The following TMEM135 variants were observed in gnomAD, a reference collection of about 807,000 sequenced individuals.
TMEM135 encodes transmembrane protein 135.
In TMEM135, 30 loss-of-function variants were observed where a neutral mutation model predicts 60.3. The observed-to-expected ratio is 0.50, with a 90% CI of 0.37 to 0.68. The LOEUF (loss-of-function observed/expected upper bound fraction) is 0.68. TMEM135 is among the 30% of genes least tolerant of loss of function. The pLI is 0.00. For missense variants in TMEM135, 468 were observed against 548.8 expected, an observed-to-expected ratio of 0.85 and a Z score of 1.47; for synonymous variants, 190 against 186.7, an observed-to-expected ratio of 1.02 and a Z score of -0.14.
chr11:87,128,459 T>C (rs1937801972), intron 4 of TMEM135, among the ~76,000 whole-genome samples: 1 of 152,172 alleles, frequency 6.6e-6, no homozygotes, highest in African/African-American at 2.4e-5. Flanking sequence ...CTCTTCCTAC[T>C]AAGAGAAGTT....
At chr11:87,227,789 A>G (rs1010736419) in intron 5 of TMEM135, among the ~76,000 whole-genome samples, 1 of 152,194 alleles carries the variant, frequency 6.6e-6, no homozygotes, top group African/African-American at 2.4e-5. Flanking sequence ...CAAAGAGACC[A>G]TGCAATAGTC....
chr11:87,129,910 C>G (rs1937868807), intron 4 of TMEM135, among the ~76,000 whole-genome samples: 1 of 136,608 alleles, frequency 7.3e-6, no homozygotes, highest in East Asian at 2.4e-4. Context: ...AAAAATGTAC[C>G]CTAAATTAAT....
chr11:87,284,316 A>T (rs1942124145), intron 6 of TMEM135, among the ~76,000 whole-genome samples: 1 of 152,192 alleles, frequency 6.6e-6, no homozygotes, highest in Admixed American at 6.5e-5. Flanking sequence ...CATTTCTTTT[A>T]GAAACAGTCT....
intron 5 of TMEM135, among the ~76,000 whole-genome samples, chr11:87,165,970 G>C (rs529715988): frequency 4.7e-5 from 7 of 150,214 alleles, no homozygotes; most frequent in African/African-American, 1.7e-4. Flanking sequence ...ACCTCTACGC[G>C]AATGAACTAG....
intron 7 of TMEM135, among the ~76,000 whole-genome samples, chr11:87,299,687 T>C (rs1942410343): frequency 6.6e-6 from 1 of 152,216 alleles, no homozygotes; most frequent in South Asian, 2.1e-4. Context: ...AGAGAGCTTA[T>C]GGTCTAGTGG....
In TMEM135 at chr11:87,325,217, G is replaced by A. The variant is rs1218792522; in HGVS notation, c.*3884G>A. ...AGTGGCCTCAGGTGACTTTGTAATA[G>A]CCCTGTAGTTGCAAAAAGGGTAACT... is the stretch of plus-strand genomic sequence containing the variant. On this transcript the variant is annotated 3_prime_UTR_variant, in exon 15 of 15. Transcript: ENST00000305494. 4.4e-6 allele frequency: 2 copies of A among 454,028 alleles called. No homozygotes were observed. The highest frequency in any genetic ancestry group is 4.7e-5 in the Admixed American group (2 of 42,562). 28.1% of individuals were successfully genotyped at this position (454,028 alleles called of 1,614,324 possible).
intron 6 of TMEM135, among the ~76,000 whole-genome samples, chr11:87,277,912 A>G (rs1011287824): frequency 2.0e-5 from 3 of 152,298 alleles, no homozygotes; most frequent in East Asian, 3.9e-4. Context: ...GATACTCTGG[A>G]GTCAGTCACT....
chr11:87,309,778 A>C (rs1461636142), intron 10 of TMEM135, 106 bp downstream of exon 10: 1 of 1,194,724 alleles, frequency 8.4e-7, no homozygotes, highest in Admixed American at 2.0e-5. Context: ...TCTTTCTGGA[A>C]TATTCATACA....
At chr11:87,110,498 T>TA (rs1283398229) in intron 4 of TMEM135, among the ~76,000 whole-genome samples, 8 of 152,094 alleles carry the variant, frequency 5.3e-5, no homozygotes, top group African/African-American at 1.9e-4. Context: ...TACCATTTAA[T>TA]AGCTTTGTGA....
intron 6 of TMEM135, among the ~76,000 whole-genome samples, chr11:87,275,999 C>T (rs911499227): frequency 3.9e-5 from 6 of 152,126 alleles, no homozygotes; most frequent in African/African-American, 1.2e-4. Flanking sequence ...CTGCCTTCCT[C>T]TACTGCCAAG....
intron 7 of TMEM135, among the ~76,000 whole-genome samples, 165 bp downstream of exon 7, chr11:87,295,988 A>G (rs10898664): frequency 0.27 from 40,839 of 152,108 alleles, 5,868 homozygotes; most frequent in South Asian, 0.36. Context: ...TTGAAAGAGT[A>G]ATTTGTCAGA....
chr11:87,289,437 C>CTTTTTTTTTTTTTTTTTTTTTTTTTTTTT (rs376999371), intron 6 of TMEM135, among the ~76,000 whole-genome samples: 2 of 87,606 alleles, frequency 2.3e-5, no homozygotes, highest in African/African-American at 5.9e-5. Flanking sequence ...ATCTCCATAT[C>CTTTTTTTTTTTTTTTTTTTTTTTTTTTTT]TTTTTTTTTT....
intron 12 of TMEM135, among the ~76,000 whole-genome samples, chr11:87,316,258 C>A (rs761829463): frequency 6.7e-6 from 1 of 149,720 alleles, no homozygotes; most frequent in Non-Finnish European, 1.5e-5. Flanking sequence ...CTTGCTTTAC[C>A]CAAATATATG....
chr11:87,066,753 A>G (rs1293545848), intron 1 of TMEM135, among the ~76,000 whole-genome samples: 1 of 149,632 alleles, frequency 6.7e-6, no homozygotes, highest in Non-Finnish European at 1.5e-5. Context: ...GTCACAGGTG[A>G]TACATACTTG....
At chr11:87,300,029 G>A (rs1163603656) in intron 7 of TMEM135, among the ~76,000 whole-genome samples, 1 of 152,166 alleles carries the variant, frequency 6.6e-6, no homozygotes, top group African/African-American at 2.4e-5. Context: ...AGGGAAGAAT[G>A]ATCCAGATAA....
intron 4 of TMEM135, among the ~76,000 whole-genome samples, chr11:87,104,612 T>G (rs539524011): frequency 6.6e-6 from 1 of 152,158 alleles, no homozygotes; most frequent in Non-Finnish European, 1.5e-5. Context: ...TTTATAGTGT[T>G]TTTAGTATGT....
At chr11:87,287,294 T>C (rs10898659) in intron 6 of TMEM135, among the ~76,000 whole-genome samples, 3 of 152,186 alleles carry the variant, frequency 2.0e-5, no homozygotes, top group East Asian at 1.9e-4. Flanking sequence ...AATAAAGATA[T>C]ATCATGTAAT....
At chr11:87,077,124 C>G (rs1373572463) in intron 3 of TMEM135, among the ~76,000 whole-genome samples, 2 of 152,228 alleles carry the variant, frequency 1.3e-5, no homozygotes, top group Non-Finnish European at 2.9e-5. Flanking sequence ...TGAACTATCC[C>G]TTTGTAGTTG....
intron 6 of TMEM135, among the ~76,000 whole-genome samples, chr11:87,255,314 T>C (rs1424386029): frequency 6.6e-6 from 1 of 152,352 alleles, no homozygotes; most frequent in East Asian, 1.9e-4. Context: ...CCAGCCTTAC[T>C]CTGAACTAGT....
Sources: gnomAD v4.1 joint callset for allele counts (sites outside exome capture counted in the v4.1 genomes callset) on GRCh38, gnomAD v4.1.1 for gene constraint, MANE v1.5 for transcripts, NCBI Gene and HGNC (gene_info 2026-07-23, HGNC 2026-07-21) for gene names.